Variants in C10orf67 observed in about 807,000 individuals in gnomAD.
C10orf67 encodes the protein uncharacterized protein C10orf67, mitochondrial.
C10orf67 carries 60 observed loss-of-function variants against 35.6 expected under a neutral mutation model. That is an observed-to-expected ratio of 1.68 (90% CI 1.37 to 2.09). C10orf67 has a LOEUF of 2.09. Among genes scored for constraint, C10orf67 ranks in the 30% most tolerant of loss-of-function variants. The pLI is 0.00. For missense variants in C10orf67, 474 were observed against 330.2 expected (o/e 1.44, Z -3.38); for synonymous variants, 167 against 115.8 (o/e 1.44, Z -2.84).
chr10:23,318,563 C>T, intron 4 of C10orf67: 1 of 254,176 alleles, frequency 3.9e-6, no homozygotes, highest in Admixed American at 5.2e-5. Context: ...AGCCCTGATT[C>T]AAGGGAGGGG....
At chr10:23,210,022 AG>A (rs1175010457) in intron 15 of C10orf67, among the ~76,000 whole-genome samples, 1 of 145,484 alleles carries the variant, frequency 6.9e-6, no homozygotes, top group Non-Finnish European at 1.5e-5. Context: ...AAAAAAAAAA[AG>A]GAATTAAGGA....
chr10:23,269,224 T>C (rs750171924), intron 8 of C10orf67, among the ~76,000 whole-genome samples: 1 of 152,150 alleles, frequency 6.6e-6, no homozygotes, highest in Non-Finnish European at 1.5e-5. Context: ...GGTATAAATA[T>C]AAAACATATG....
chr10:23,289,854 A>G (rs1184217053), intron 7 of C10orf67, 46 bp downstream of exon 7: 1 of 711,162 alleles, frequency 1.4e-6, no homozygotes, highest in Non-Finnish European at 2.6e-6. Flanking sequence ...TTGCGCCTAT[A>G]GTTCCATTTA....
Position 23,229,951 on chromosome 10 carries a change from G to A in C10orf67, c.1435-6133C>T, listed in dbSNP as rs376934940. Among the ~76,000 whole-genome samples the A allele has an allele frequency of 3.3e-5, 5 of 151,968 alleles. No homozygotes were observed. In the South Asian group the frequency reaches 6.2e-4, roughly 19 times the overall value. On this transcript the variant is annotated intron_variant, in intron 13 of 15. Transcript: ENST00000636213. Reference sequence around the variant, plus strand: ...TCTAATTGAAATACCAATTAAATTTGTTTTGTTTTGTTTCTTTTGTTTTGT... The same window carrying A: ...TCTAATTGAAATACCAATTAAATTTATTTTGTTTTGTTTCTTTTGTTTTGT...
intron 13 of C10orf67, among the ~76,000 whole-genome samples, chr10:23,236,153 G>T (rs138670244): frequency 0.037 from 5,642 of 151,480 alleles, 319 homozygotes; most frequent in African/African-American, 0.13. Flanking sequence ...GGAGGCTGAG[G>T]CAGGAGAATG....
intron 7 of C10orf67, among the ~76,000 whole-genome samples, chr10:23,283,260 C>G (rs1368913548): frequency 6.6e-6 from 1 of 152,166 alleles, no homozygotes; most frequent in Admixed American, 6.5e-5. Flanking sequence ...GGCCCTTGTT[C>G]CCTTGTGACT....
chr10:23,273,664 C>T (rs1843094077), intron 8 of C10orf67, among the ~76,000 whole-genome samples: 1 of 152,134 alleles, frequency 6.6e-6, no homozygotes, highest in Non-Finnish European at 1.5e-5. Context: ...CATTGTGGGA[C>T]ACAGGATAAG....
At chr10:23,226,338 T>C (rs1264801314) in intron 13 of C10orf67, among the ~76,000 whole-genome samples, 1 of 152,156 alleles carries the variant, frequency 6.6e-6, no homozygotes, top group Non-Finnish European at 1.5e-5. Context: ...CCTGGATGAC[T>C]ACTGGGTACA....
intron 6 of C10orf67, among the ~76,000 whole-genome samples, chr10:23,290,491 ACTCG>A (rs2132258582): frequency 6.6e-6 from 1 of 152,322 alleles, no homozygotes; most frequent in Admixed American, 6.5e-5. Flanking sequence ...TAACATAATC[ACTCG>A]GATCACAGTT....
chr10:23,337,725 C>T (rs1225429357), intron 1 of C10orf67, among the ~76,000 whole-genome samples: 1 of 152,098 alleles, frequency 6.6e-6, no homozygotes, highest in Non-Finnish European at 1.5e-5. Flanking sequence ...AAAAATTGAA[C>T]CATGCCTACT....
At chr10:23,340,025 A>AT (rs1298314788) in intron 1 of C10orf67, among the ~76,000 whole-genome samples, 1 of 152,024 alleles carries the variant, frequency 6.6e-6, no homozygotes, top group Non-Finnish European at 1.5e-5. Context: ...ATTCAGCCAC[A>AT]TTTTTCATTA....
chr10:23,243,378 T>C (rs1242311978), intron 12 of C10orf67, among the ~76,000 whole-genome samples: 4 of 152,142 alleles, frequency 2.6e-5, no homozygotes, highest in Non-Finnish European at 5.9e-5. Flanking sequence ...TCTTCACCCA[T>C]CAGTGATAAA....
At chr10:23,253,049 C>T (rs1241296100) in intron 10 of C10orf67, among the ~76,000 whole-genome samples, 1 of 151,530 alleles carries the variant, frequency 6.6e-6, no homozygotes, top group Non-Finnish European at 1.5e-5. Context: ...TGCTGCCATC[C>T]ATGTAAGATG....
intron 8 of C10orf67, among the ~76,000 whole-genome samples, chr10:23,278,254 G>A (rs1188750443): frequency 1.3e-5 from 2 of 152,056 alleles, no homozygotes; most frequent in African/African-American, 4.8e-5. Context: ...GCGATCCTGA[G>A]ACCAAAAAGG....
chr10:23,268,869 C>T (rs1842948977), intron 8 of C10orf67, among the ~76,000 whole-genome samples: 1 of 152,182 alleles, frequency 6.6e-6, no homozygotes, highest in Non-Finnish European at 1.5e-5. Context: ...GCAACTATAA[C>T]ACAATGATAT....
At position 23,229,961 on chromosome 10, in the gene C10orf67, G is replaced by C. The variant is rs1467446570; in HGVS notation, c.1435-6143C>G. Reference sequence around the variant, plus strand: ...ATACCAATTAAATTTGTTTTGTTTTGTTTCTTTTGTTTTGTTTTTTTCTGT... The same window carrying C: ...ATACCAATTAAATTTGTTTTGTTTTCTTTCTTTTGTTTTGTTTTTTTCTGT... On this transcript the variant is annotated intron_variant, in intron 13 of 15. Coordinates refer to ENST00000636213, the MANE Select transcript of C10orf67 (RefSeq NM_001371909.1). 2.6e-4 allele frequency among the ~76,000 whole-genome samples: 39 copies of C among 151,772 alleles called. 2 individuals carry two copies. The highest frequency in any genetic ancestry group is 2.6e-3 in the Admixed American group (39 of 15,210).
intron 10 of C10orf67, among the ~76,000 whole-genome samples, chr10:23,265,600 G>A (rs1842866367): frequency 6.6e-6 from 1 of 152,180 alleles, no homozygotes; most frequent in African/African-American, 2.4e-5. Flanking sequence ...TATCTTTATA[G>A]CTAAGAGCAG....
In C10orf67 at chr10:23,298,989, G is replaced by A. The variant is rs560652276; in HGVS notation, c.702+4315C>T. Among the ~76,000 whole-genome samples the A allele has an allele frequency of 3.3e-5, 5 of 152,292 alleles. 1 individual carries two copies. The highest frequency in any genetic ancestry group is 1.2e-4 in the African/African-American group (5 of 41,550). On this transcript the variant is annotated intron_variant, in intron 5 of 15. Transcript: ENST00000636213. ...AACAGTCCAGGTGAGTTGAGACATTGGGTTTGAAGGATCTTCAAAGGCAAA... is the reference window on the plus strand; with the variant it reads ...AACAGTCCAGGTGAGTTGAGACATTAGGTTTGAAGGATCTTCAAAGGCAAA...
chr10:23,344,469 C>A lies in C10orf67; in HGVS notation c.206+100G>T. ...CAGCCTGGAGGCTGCTGCGATACCC[C>A]AGAGGAAAGCTGCACCCCCGTAAAT... is the stretch of plus-strand genomic sequence containing the variant. On this transcript the variant is annotated intron_variant, in intron 1 of 15. Coordinates refer to ENST00000636213, the MANE Select transcript of C10orf67 (RefSeq NM_001371909.1). 3 of 1,141,824 alleles carry A rather than the reference C, an allele frequency of 2.6e-6. No individual in the cohort carries two copies. The South Asian group carries it at 4.1e-5, about 16-fold the overall frequency. 70.7% of individuals were successfully genotyped at this position (1,141,824 alleles called of 1,614,324 possible).
Sources: gnomAD v4.1 joint callset for allele counts (sites outside exome capture counted in the v4.1 genomes callset) on GRCh38, gnomAD v4.1.1 for gene constraint, MANE v1.5 for transcripts, NCBI Gene and HGNC (gene_info 2026-07-23, HGNC 2026-07-21) for gene names.